Variants in RIMS1 observed in about 807,000 individuals in gnomAD.
RIMS1 encodes the protein regulating synaptic membrane exocytosis 1, also known as regulating synaptic membrane exocytosis protein 1.
Under a neutral mutation model 214.1 loss-of-function variants are expected in RIMS1, and 83 were observed. The observed-to-expected ratio is 0.39, with a 90% confidence interval of 0.32 to 0.47. The LOEUF (loss-of-function observed/expected upper bound fraction) is 0.47. RIMS1 is among the 20% of genes least tolerant of loss of function. RIMS1 has a pLI of 0.99. For synonymous variants in RIMS1, 793 were observed against 786.8 expected (o/e 1.01, Z -0.13); for missense variants, 2,050 against 2,161.8 (o/e 0.95, Z 1.03).
At chr6:72,285,604 A>G (rs1363353383) in intron 24 of RIMS1, among the ~76,000 whole-genome samples, 3 of 152,212 alleles carry the variant, frequency 2.0e-5, no homozygotes, top group East Asian at 1.9e-4. Context: ...CAGGGGACTC[A>G]TGAAAAGTGT....
At chr6:72,056,083 T>A (rs199628046) in intron 2 of RIMS1, among the ~76,000 whole-genome samples, 1 of 150,770 alleles carries the variant, frequency 6.6e-6, no homozygotes, top group African/African-American at 2.4e-5. Context: ...TATGCAGCCA[T>A]AAAAAAAAAG....
At chr6:72,259,592 A>G (rs1440245002) in intron 18 of RIMS1, among the ~76,000 whole-genome samples, 1 of 146,284 alleles carries the variant, frequency 6.8e-6, no homozygotes, top group African/African-American at 2.6e-5. Context: ...TTTTCATAAA[A>G]TCTCTTTCTA....
chr6:71,977,868 A>T (rs1797545934), intron 2 of RIMS1, among the ~76,000 whole-genome samples: 1 of 152,196 alleles, frequency 6.6e-6, no homozygotes, highest in African/African-American at 2.4e-5. Flanking sequence ...TTTGGATTTT[A>T]TCTAAGACTT....
chr6:72,192,069 T>C (rs918780656), intron 6 of RIMS1, among the ~76,000 whole-genome samples: 1 of 152,240 alleles, frequency 6.6e-6, no homozygotes, highest in Admixed American at 6.5e-5. Flanking sequence ...TTCTGCCAGC[T>C]GCTAAGTACG....
Position 72,266,042 on chromosome 6 carries a change from C to A in RIMS1, c.3391C>A (p.Arg1131=). The A allele has an allele frequency of 6.4e-7, 1 of 1,570,954 alleles. No individual in the cohort carries two copies. Among genetic ancestry groups the A allele is most frequent in the Non-Finnish European group, 8.7e-7 (1 of 1,155,038 alleles). ...RPDTSLHSPE[R]ERGRWSPSLD... ...AGATACTAGTTTGCATTCACCAGAA[C>A]GAGAAAGGTATAAAATAAAGACTTT... is the stretch of plus-strand genomic sequence containing the variant. The change falls in exon 22 of 34, where the codon CGA becomes AGA. Residue 1131 remains arginine, a synonymous_variant. Coordinates refer to ENST00000521978, the MANE Select transcript of RIMS1 (RefSeq NM_014989.7).
At chr6:72,262,890 T>C in intron 19 of RIMS1, 1 of 545,938 alleles carries the variant, frequency 1.8e-6, no homozygotes. Flanking sequence ...AAATAACATT[T>C]ATTTAATAAC....
intron 2 of RIMS1, among the ~76,000 whole-genome samples, chr6:72,023,321 C>T (rs1233868455): frequency 6.6e-6 from 1 of 152,050 alleles, no homozygotes; most frequent in African/African-American, 2.4e-5. Context: ...AAATAAATAG[C>T]ACAGTAGCTT....
chr6:71,895,185 A>G (rs748208238), intron 1 of RIMS1, among the ~76,000 whole-genome samples: 1 of 152,218 alleles, frequency 6.6e-6, no homozygotes, highest in Non-Finnish European at 1.5e-5. Context: ...GCTGGACTTT[A>G]CATCGTCCAT....
rs1355621402 is a variant in RIMS1, at chr6:72,097,142, G to A, written c.439G>A (p.Val147Met). The change falls in exon 3 of 34, where the codon GTG becomes ATG. Residue 147 changes from valine to methionine, a missense_variant. By Grantham distance (21) the Val-to-Met change is conservative (BLOSUM62 1). Coordinates refer to ENST00000521978, the MANE Select transcript of RIMS1 (RefSeq NM_014989.7). ...TKFCARCGGR[V>M]SLRSNNEDKV... is the part of the protein sequence containing the mutation. ...GTTCTGTGCGCGCTGCGGAGGCCGCGTGTCTCTACGGTCAAACAACGTGAG... is the reference window on the plus strand; with the variant it reads ...GTTCTGTGCGCGCTGCGGAGGCCGCATGTCTCTACGGTCAAACAACGTGAG... 21 of 1,613,762 alleles carry A rather than the reference G, an allele frequency of 1.3e-5. No homozygotes were observed. The highest frequency in any genetic ancestry group is 3.3e-5 in the South Asian group (3 of 91,090).
At chr6:72,062,478 G>A (rs533739897) in intron 2 of RIMS1, among the ~76,000 whole-genome samples, 11 of 152,044 alleles carry the variant, frequency 7.2e-5, no homozygotes, top group South Asian at 2.1e-4. Context: ...CAGAAACCCC[G>A]TTTTTTCTAA....
In RIMS1 at chr6:72,332,454, A is replaced by G. The variant is rs369657794; in HGVS notation, c.4131-1146A>G. Among the ~76,000 whole-genome samples, 61 of 144,672 alleles carry G rather than the reference A, an allele frequency of 4.2e-4. 1 individual carries two copies. The highest frequency in any genetic ancestry group is 1.5e-3 in the African/African-American group (59 of 39,452). 94.9% of individuals were successfully genotyped at this position (144,672 alleles called of 152,430 possible). On this transcript the variant is annotated intron_variant, in intron 28 of 33. Transcript: ENST00000521978. The stretch of plus-strand genomic sequence containing the variant: ...GCAAGGACAAAAAACCAAACACCAC[A>G]TGTTCTCACTCATAGATGGGAATTG...
At chr6:72,158,300 G>A (rs1202938512) in intron 4 of RIMS1, among the ~76,000 whole-genome samples, 1 of 140,908 alleles carries the variant, frequency 7.1e-6, no homozygotes, top group East Asian at 2.0e-4. Flanking sequence ...CATCACCAAA[G>A]TATAATTGCA....
At chr6:71,963,852 T>C (rs1262626798) in intron 1 of RIMS1, among the ~76,000 whole-genome samples, 1 of 152,224 alleles carries the variant, frequency 6.6e-6, no homozygotes, top group Admixed American at 6.5e-5. Context: ...AATTAGTTAC[T>C]GAAGCTTGAA....
intron 2 of RIMS1, among the ~76,000 whole-genome samples, chr6:72,046,196 A>G (rs1248205052): frequency 6.6e-6 from 1 of 152,068 alleles, no homozygotes; most frequent in African/African-American, 2.4e-5. Flanking sequence ...TGATGATATT[A>G]ACCTTAGTAT....
chr6:72,373,492 T>C (rs899557229), intron 29 of RIMS1, among the ~76,000 whole-genome samples: 1 of 152,192 alleles, frequency 6.6e-6, no homozygotes, highest in African/African-American at 2.4e-5. Flanking sequence ...ACTCCTCAAA[T>C]TATCAGGATT....
chr6:72,024,336 GAA>G (rs1254840276), intron 2 of RIMS1, among the ~76,000 whole-genome samples: 1 of 151,978 alleles, frequency 6.6e-6, no homozygotes, highest in Non-Finnish European at 1.5e-5. Flanking sequence ...TCCTACTTCT[GAA>G]TCTAATAGAC....
chr6:72,223,759 A>C (rs2059281620), intron 6 of RIMS1, among the ~76,000 whole-genome samples: 1 of 151,972 alleles, frequency 6.6e-6, no homozygotes, highest in Non-Finnish European at 1.5e-5. Context: ...CATCCTGGCT[A>C]ACACGGTGAA....
intron 11 of RIMS1, 108 bp downstream of exon 11, chr6:72,245,969 A>G (rs897255792): frequency 1.9e-5 from 14 of 739,206 alleles, no homozygotes; most frequent in Non-Finnish European, 2.3e-5. Flanking sequence ...TACTATACTA[A>G]AGATGTCTCC....
At chr6:72,257,672 A>G (rs1334952087) in intron 16 of RIMS1, among the ~76,000 whole-genome samples, 1 of 152,202 alleles carries the variant, frequency 6.6e-6, no homozygotes, top group Admixed American at 6.6e-5. Flanking sequence ...GCCACCTGCA[A>G]TCCAACTAAA....
Sources: gnomAD v4.1 joint callset for allele counts (sites outside exome capture counted in the v4.1 genomes callset) on GRCh38, gnomAD v4.1.1 for gene constraint, MANE v1.5 for transcripts, NCBI Gene and HGNC (gene_info 2026-07-23, HGNC 2026-07-21) for gene names.